FHIT: variants seen among roughly 807,000 people sequenced by gnomAD.
FHIT encodes the protein bis(5'-adenosyl)-triphosphatase.
FHIT carries 19 observed loss-of-function variants against 17.9 expected under a neutral mutation model. The ratio of observed to expected loss-of-function variants is 1.06; its 90% CI spans 0.74 to 1.56. FHIT has a LOEUF of 1.56. Among genes scored for constraint, FHIT ranks in the 40% most tolerant of loss-of-function variants. FHIT has a pLI of 0.00. For synonymous variants in FHIT, 81 were observed against 69.7 expected (o/e 1.16, Z -0.81); for missense variants, 248 against 189.2 (o/e 1.31, Z -1.82).
intron 5 of FHIT, among the ~76,000 whole-genome samples, chr3:60,495,070 C>A (rs1411634286): frequency 6.6e-6 from 1 of 152,160 alleles, no homozygotes; most frequent in Non-Finnish European, 1.5e-5. Context: ...AGTGGCTGTA[C>A]TAATTTACAT....
At chr3:60,337,225 C>T (rs532351417) in intron 5 of FHIT, among the ~76,000 whole-genome samples, 2 of 152,036 alleles carry the variant, frequency 1.3e-5, no homozygotes, top group African/African-American at 4.8e-5. Context: ...TAGGAAAAAT[C>T]GCAAGGTGTG....
At chr3:59,753,897 C>G (rs964391209) in intron 8 of FHIT, among the ~76,000 whole-genome samples, 1 of 152,096 alleles carries the variant, frequency 6.6e-6, no homozygotes. Context: ...TACAGTGTCC[C>G]TAAAGAGCAT....
At chr3:60,085,375 T>C (rs1703452907) in intron 5 of FHIT, among the ~76,000 whole-genome samples, 1 of 152,136 alleles carries the variant, frequency 6.6e-6, no homozygotes, top group Non-Finnish European at 1.5e-5. Flanking sequence ...TATGACATCA[T>C]TCTACACTTA....
chr3:60,247,745 A>G lies in FHIT; in HGVS notation c.104-233593T>C, dbSNP rs967079429. Reference sequence around the variant, plus strand: ...ACTTGCTTGATTTTAGGCAATTTTCATAACATCTTATGCCTCAGTTTCCTC... The same window carrying G: ...ACTTGCTTGATTTTAGGCAATTTTCGTAACATCTTATGCCTCAGTTTCCTC... On this transcript the variant is annotated intron_variant, in intron 5 of 9. Transcript: ENST00000492590. Among the ~76,000 whole-genome samples, 8 of 152,142 alleles carry G rather than the reference A, an allele frequency of 5.3e-5. No individual in the cohort carries two copies. In the South Asian group the frequency reaches 1.2e-3, roughly 24 times the overall value.
At chr3:61,201,587 G>A in intron 1 of FHIT, among the ~76,000 whole-genome samples, 1 of 151,798 alleles carries the variant, frequency 6.6e-6, no homozygotes, top group East Asian at 1.9e-4. Context: ...TTACTGGGCT[G>A]TTTCCCTCCA....
At chr3:60,921,563 T>A (rs1398667087) in intron 3 of FHIT, among the ~76,000 whole-genome samples, 2 of 152,246 alleles carry the variant, frequency 1.3e-5, no homozygotes, top group Non-Finnish European at 2.9e-5. Context: ...TATAGCTTTT[T>A]AAATAACATT....
chr3:61,018,385 T>C (rs546730409), intron 3 of FHIT, among the ~76,000 whole-genome samples: 13 of 152,350 alleles, frequency 8.5e-5, no homozygotes, highest in African/African-American at 2.9e-4. Flanking sequence ...AACTTGCTGT[T>C]GGGAATTTAA....
intron 5 of FHIT, among the ~76,000 whole-genome samples, chr3:60,345,495 C>A (rs1299850068): frequency 6.6e-6 from 1 of 152,176 alleles, no homozygotes; most frequent in African/African-American, 2.4e-5. Flanking sequence ...ACTCTCCTTG[C>A]TTTTCAAGCT....
chr3:60,670,886 T>A (rs2040489681), intron 4 of FHIT, among the ~76,000 whole-genome samples: 1 of 152,158 alleles, frequency 6.6e-6, no homozygotes, highest in Admixed American at 6.5e-5. Flanking sequence ...CATAATTAGT[T>A]GGTAATTAAC....
At chr3:60,589,178 G>C (rs2734369) in intron 4 of FHIT, among the ~76,000 whole-genome samples, 2 of 151,716 alleles carry the variant, frequency 1.3e-5, no homozygotes, top group Admixed American at 6.6e-5. Context: ...TTTTTATATA[G>C]AGAGAGAAAA....
At chr3:60,299,107 C>T (rs1025089050) in intron 5 of FHIT, among the ~76,000 whole-genome samples, 8 of 152,150 alleles carry the variant, frequency 5.3e-5, no homozygotes, top group Admixed American at 1.3e-4. Flanking sequence ...CCAAATTGGG[C>T]TGCTGATCCA....
At chr3:60,535,343 T>TA (rs1238215923) in intron 5 of FHIT, among the ~76,000 whole-genome samples, 1 of 152,168 alleles carries the variant, frequency 6.6e-6, no homozygotes. Context: ...CAGGTCCCTT[T>TA]ATTTCTTTTC....
chr3:59,803,197 G>GTACAT (rs1158296901), intron 8 of FHIT, among the ~76,000 whole-genome samples: 1 of 152,100 alleles, frequency 6.6e-6, no homozygotes, highest in Non-Finnish European at 1.5e-5. Flanking sequence ...TAAAAGCTCA[G>GTACAT]TACATTAATT....
chr3:60,050,632 G>A (rs964598040), intron 5 of FHIT, among the ~76,000 whole-genome samples: 1 of 152,162 alleles, frequency 6.6e-6, no homozygotes, highest in African/African-American at 2.4e-5. Flanking sequence ...TCCAGGCGCA[G>A]GATCCCCGAG....
chr3:61,111,139 A>G (rs1050033946), intron 2 of FHIT, among the ~76,000 whole-genome samples: 6 of 152,222 alleles, frequency 3.9e-5, no homozygotes, highest in African/African-American at 7.2e-5. Flanking sequence ...ATTGGAACTG[A>G]TAGCTACCCC....
intron 7 of FHIT, among the ~76,000 whole-genome samples, chr3:59,960,157 T>G (rs1575769645): frequency 1.3e-5 from 2 of 152,268 alleles, no homozygotes; most frequent in African/African-American, 4.8e-5. Context: ...CAACTGTGAT[T>G]GTTCAGACTT....
rs147231785 is a variant in FHIT, at chr3:60,028,055, G to C, written c.104-13903C>G. ...ACTTGTAGCTAGTAGCTATTACATT[G>C]TACAGTTCATCAGGAGAGGCCACAA... On this transcript the variant is annotated intron_variant, in intron 5 of 9. Transcript: ENST00000492590. Among the ~76,000 whole-genome samples, 543 of 152,144 alleles carry C rather than the reference G, an allele frequency of 3.6e-3. 5 individuals are homozygous for C. Among genetic ancestry groups the C allele is most frequent in the African/African-American group, 0.012 (484 of 41,492 alleles).
chr3:60,009,190 T>C (rs1319432238), intron 7 of FHIT, among the ~76,000 whole-genome samples: 1 of 146,242 alleles, frequency 6.8e-6, no homozygotes, highest in Non-Finnish European at 1.5e-5. Context: ...TGTGTGTGTG[T>C]GTGTGTGTGT....
intron 3 of FHIT, among the ~76,000 whole-genome samples, chr3:60,940,731 C>A (rs936939109): frequency 5.9e-5 from 9 of 152,150 alleles, no homozygotes; most frequent in African/African-American, 1.7e-4. Flanking sequence ...CTATAATAAG[C>A]ATAGTGGTTA....
Sources: allele counts gnomAD v4.1 joint callset (sites outside exome capture counted in the v4.1 genomes callset), GRCh38; gene constraint gnomAD v4.1.1; transcripts MANE v1.5; gene names NCBI Gene and HGNC (gene_info 2026-07-23, HGNC 2026-07-21).